The following AKR1C8 variants were observed in gnomAD, a reference collection of about 807,000 sequenced individuals.
AKR1C8 encodes the protein aldo-keto reductase family 1 member C8.
the AKR1C8 span, among the ~76,000 whole-genome samples, chr10:5,138,669 T>A: frequency 2.6e-5 from 4 of 152,144 alleles, no homozygotes; most frequent in Non-Finnish European, 5.9e-5. Context: ...TGGGAACTGA[T>A]AAATGTCCAT....
chr10:5,172,045 A>G, the AKR1C8 span, among the ~76,000 whole-genome samples: 1 of 152,224 alleles, frequency 6.6e-6, no homozygotes, highest in East Asian at 1.9e-4. Flanking sequence ...TACTAGGTGT[A>G]GAGACTAGGA....
chr10:5,180,765 T>G, the AKR1C8 span, among the ~76,000 whole-genome samples: 1 of 152,210 alleles, frequency 6.6e-6, no homozygotes, highest in African/African-American at 2.4e-5. Flanking sequence ...TCAGCTAGAC[T>G]CCGTGGACAT....
chr10:5,155,206 A>G, the AKR1C8 span: 1 of 152,182 alleles, frequency 6.6e-6, no homozygotes, highest in Non-Finnish European at 1.5e-5. Flanking sequence ...CCCATCCTGT[A>G]TTAATACTTA....
the AKR1C8 span, among the ~76,000 whole-genome samples, chr10:5,148,058 C>A: frequency 9.9e-4 from 151 of 152,260 alleles, no homozygotes; most frequent in Non-Finnish European, 1.3e-3. Context: ...TTCTACTCAG[C>A]ATTTCCTCCA....
the AKR1C8 span, chr10:5,155,238 A>G: frequency 2.6e-5 from 4 of 152,190 alleles, no homozygotes; most frequent in African/African-American, 9.7e-5. Flanking sequence ...CATTGCCATG[A>G]TGTAAACACA....
chr10:5,122,327 T>C, the AKR1C8 span, among the ~76,000 whole-genome samples: 42 of 152,312 alleles, frequency 2.8e-4, no homozygotes, highest in African/African-American at 9.4e-4. Context: ...CTCTTCCACC[T>C]GAGCTCTGCC....
the AKR1C8 span, among the ~76,000 whole-genome samples, chr10:5,168,939 G>T: frequency 2.6e-5 from 4 of 152,040 alleles, no homozygotes; most frequent in African/African-American, 9.7e-5. Flanking sequence ...AAAAACAGAT[G>T]AAAATACCTC....
the AKR1C8 span, chr10:5,123,164 G>C: frequency 1.3e-5 from 2 of 159,368 alleles, no homozygotes; most frequent in Non-Finnish European, 2.9e-5. Flanking sequence ...TTGTGCATAG[G>C]AAATAACCAG....
the AKR1C8 span, among the ~76,000 whole-genome samples, chr10:5,128,606 A>C: frequency 3.3e-5 from 5 of 152,264 alleles, no homozygotes; most frequent in African/African-American, 7.2e-5. Flanking sequence ...TTCCATGCAA[A>C]TGGAAACCAA....
the AKR1C8 span, chr10:5,158,469 C>G: frequency 2.7e-6 from 1 of 369,882 alleles, no homozygotes; most frequent in South Asian, 2.2e-5. Flanking sequence ...TGGGAACAAA[C>G]TACACCGTTG....
the AKR1C8 span, chr10:5,123,328 C>T: frequency 3.6e-6 from 1 of 274,646 alleles, no homozygotes. Context: ...GGACCACAGC[C>T]CCACGCTGCA....
the AKR1C8 span, among the ~76,000 whole-genome samples, chr10:5,175,526 T>A: frequency 6.6e-6 from 1 of 152,318 alleles, no homozygotes; most frequent in Non-Finnish European, 1.5e-5. Flanking sequence ...GTATTTCTAG[T>A]TCTAGATCCC....
chr10:5,153,687 T>C, the AKR1C8 span, among the ~76,000 whole-genome samples: 1 of 152,116 alleles, frequency 6.6e-6, no homozygotes, highest in Non-Finnish European at 1.5e-5. Context: ...ATGCTACACA[T>C]TTTTAAACAA....
chr10:5,181,971 C>G, the AKR1C8 span, among the ~76,000 whole-genome samples: 1 of 151,936 alleles, frequency 6.6e-6, no homozygotes, highest in Non-Finnish European at 1.5e-5. Context: ...TCAAACAGAA[C>G]AAGAGTTAAC....
chr10:5,135,727 AATG>A, the AKR1C8 span, among the ~76,000 whole-genome samples: 1 of 148,082 alleles, frequency 6.8e-6, no homozygotes, highest in African/African-American at 2.5e-5. Flanking sequence ...ATGTCATATA[AATG>A]ATCAATCATT....
the AKR1C8 span, among the ~76,000 whole-genome samples, chr10:5,143,572 A>T: frequency 6.6e-6 from 1 of 152,088 alleles, no homozygotes; most frequent in African/African-American, 2.4e-5. Context: ...GCAATCCCTC[A>T]AATGTATTCC....
At chr10:5,183,438 T>G in the AKR1C8 span, among the ~76,000 whole-genome samples, 1 of 152,168 alleles carries the variant, frequency 6.6e-6, no homozygotes, top group Non-Finnish European at 1.5e-5. Flanking sequence ...TTATCCCCCC[T>G]TATTTCATTT....
At chr10:5,152,766 T>C in the AKR1C8 span, among the ~76,000 whole-genome samples, 17 of 152,180 alleles carry the variant, frequency 1.1e-4, no homozygotes, top group Non-Finnish European at 1.5e-4. Flanking sequence ...GTATGCCTTT[T>C]CATAATGAGT....
chr10:5,144,973 T>C, the AKR1C8 span, among the ~76,000 whole-genome samples: 1 of 151,606 alleles, frequency 6.6e-6, no homozygotes, highest in Non-Finnish European at 1.5e-5. Flanking sequence ...ATGCTTCCAG[T>C]TTTTGCCCAT....
Sources: allele counts gnomAD v4.1 joint callset (sites outside exome capture counted in the v4.1 genomes callset), GRCh38; gene constraint gnomAD v4.1.1; transcripts MANE v1.5; gene names NCBI Gene and HGNC (gene_info 2026-07-23, HGNC 2026-07-21).